The following MSH3 variants were observed in gnomAD, a reference collection of about 807,000 sequenced individuals.
The protein encoded by MSH3 is DNA mismatch repair protein Msh3.
In MSH3, 106 loss-of-function variants were observed where a neutral mutation model predicts 123.3. The ratio of observed to expected loss-of-function variants is 0.86; its 90% CI spans 0.73 to 1.01. MSH3 has a LOEUF of 1.01. MSH3 is among the 50% of genes least tolerant of loss of function. The pLI, the probability that MSH3 is intolerant of heterozygous loss-of-function variation, is 0.00. For missense variants in MSH3, 1,459 were observed against 1,347.6 expected, an observed-to-expected ratio of 1.08 and a Z score of -1.29; for synonymous variants, 515 against 481.4, an observed-to-expected ratio of 1.07 and a Z score of -0.91.
At chr5:80,861,192 T>A (rs1746008452) in intron 21 of MSH3, among the ~76,000 whole-genome samples, 2 of 152,206 alleles carry the variant, frequency 1.3e-5, no homozygotes. Context: ...TCTTCATATT[T>A]GTGGGTTTTT....
intron 20 of MSH3, among the ~76,000 whole-genome samples, chr5:80,826,922 A>T (rs919715977): frequency 1.3e-5 from 2 of 152,244 alleles, no homozygotes; most frequent in South Asian, 2.1e-4. Context: ...TTTTTTAAAA[A>T]GTAGAGTTTT....
At chr5:80,782,021 T>C (rs1225775277) in intron 17 of MSH3, among the ~76,000 whole-genome samples, 1 of 152,234 alleles carries the variant, frequency 6.6e-6, no homozygotes, top group Non-Finnish European at 1.5e-5. Flanking sequence ...ATTTACATAA[T>C]GCACAGCATA....
intron 15 of MSH3, among the ~76,000 whole-genome samples, chr5:80,771,961 G>C (rs1561472910): frequency 6.6e-6 from 1 of 152,114 alleles, no homozygotes; most frequent in Non-Finnish European, 1.5e-5. Flanking sequence ...TATGTATTAT[G>C]TAATGAACGT....
At chr5:80,791,577 A>T (rs1049391272) in intron 18 of MSH3, among the ~76,000 whole-genome samples, 1 of 152,116 alleles carries the variant, frequency 6.6e-6, no homozygotes, top group Non-Finnish European at 1.5e-5. Context: ...CTGTGTTTAA[A>T]TTCTTATTAA....
At position 80,654,909 on chromosome 5, in the gene MSH3, C is replaced by T; in HGVS notation, c.182C>T (p.Ala61Val). The T allele has an allele frequency of 6.7e-7, 1 of 1,502,592 alleles. No individual in the cohort carries two copies. Among genetic ancestry groups the T allele is most frequent in the South Asian group, 1.2e-5 (1 of 82,840 alleles). 93.1% of individuals were successfully genotyped at this position (1,502,592 alleles called of 1,614,324 possible). The change falls in exon 1 of 24, where the codon GCA becomes GTA. Residue 61 changes from alanine (A) to valine (V), a missense_variant. Transcript: ENST00000265081. ...GCGGCTGCAGCGGCCGCAGCGGCCGCAGCGCCCCCAGCGCCCCCAGCTCCC... is the reference window on the plus strand; with the variant it reads ...GCGGCTGCAGCGGCCGCAGCGGCCGTAGCGCCCCCAGCGCCCCCAGCTCCC... The part of the protein sequence containing the change: ...AAAAAAAAAA[A>V]APPAPPAPAF...
intron 20 of MSH3, among the ~76,000 whole-genome samples, chr5:80,845,999 G>T (rs1745713577): frequency 6.6e-6 from 1 of 152,150 alleles, no homozygotes; most frequent in African/African-American, 2.4e-5. Context: ...GTTTTCGGAA[G>T]TTTCTGCTTT....
intron 20 of MSH3, among the ~76,000 whole-genome samples, chr5:80,828,965 A>G (rs1380444513): frequency 4.6e-5 from 7 of 152,208 alleles, no homozygotes; most frequent in African/African-American, 1.7e-4. Flanking sequence ...GCAGTTCTAC[A>G]GTTCTGAGAT....
chr5:80,678,741 A>T (rs1455506546), intron 7 of MSH3, among the ~76,000 whole-genome samples, 186 bp from the exon 8 acceptor site: 1 of 152,112 alleles, frequency 6.6e-6, no homozygotes, highest in African/African-American at 2.4e-5. Flanking sequence ...TATCATTTAG[A>T]TATCTGTGAG....
intron 2 of MSH3, among the ~76,000 whole-genome samples, chr5:80,658,898 G>A (rs568707796): frequency 2.2e-4 from 34 of 152,260 alleles, no homozygotes; most frequent in African/African-American, 7.2e-4. Flanking sequence ...TACCTGGCAA[G>A]TTTTTTGTTT....
chr5:80,717,836 T>G (rs1750995530), intron 8 of MSH3, among the ~76,000 whole-genome samples: 1 of 152,246 alleles, frequency 6.6e-6, no homozygotes, highest in African/African-American at 2.4e-5. Flanking sequence ...TTTGTGTTTT[T>G]GGTATTGGGT....
At chr5:80,794,093 A>G (rs1744654210) in intron 19 of MSH3, among the ~76,000 whole-genome samples, 1 of 152,212 alleles carries the variant, frequency 6.6e-6, no homozygotes, top group Non-Finnish European at 1.5e-5. Flanking sequence ...CTTATACCAC[A>G]TTTCAAAGAG....
chr5:80,663,995 A>G (rs1348194783), intron 2 of MSH3, among the ~76,000 whole-genome samples: 1 of 152,212 alleles, frequency 6.6e-6, no homozygotes, highest in Non-Finnish European at 1.5e-5. Flanking sequence ...TAATAGCACC[A>G]ACCTAATAGT....
chr5:80,847,139 A>T (rs1745738889), intron 20 of MSH3, among the ~76,000 whole-genome samples: 1 of 152,070 alleles, frequency 6.6e-6, no homozygotes. Flanking sequence ...AGCTCACTGT[A>T]ACCTCTGCCT....
intron 10 of MSH3, among the ~76,000 whole-genome samples, chr5:80,737,516 A>T (rs997762659): frequency 6.6e-6 from 1 of 152,208 alleles, no homozygotes; most frequent in African/African-American, 2.4e-5. Flanking sequence ...CAAAGCATGA[A>T]TTCTAGCCAG....
intron 21 of MSH3, among the ~76,000 whole-genome samples, chr5:80,856,424 G>T (rs969328827): frequency 6.6e-6 from 1 of 151,278 alleles, no homozygotes; most frequent in African/African-American, 2.4e-5. Context: ...AGCTGGAAAC[G>T]ATCATTCTCA....
intron 13 of MSH3, among the ~76,000 whole-genome samples, chr5:80,766,065 T>A (rs1291401263): frequency 6.6e-6 from 1 of 152,110 alleles, no homozygotes; most frequent in Non-Finnish European, 1.5e-5. Context: ...CAAATGTTTT[T>A]TCTTTTTAAA....
intron 10 of MSH3, among the ~76,000 whole-genome samples, chr5:80,733,187 T>C (rs1479837818): frequency 6.6e-6 from 1 of 152,154 alleles, no homozygotes; most frequent in East Asian, 1.9e-4. Context: ...AAACTTATGG[T>C]CATTTGATTA....
intron 20 of MSH3, among the ~76,000 whole-genome samples, chr5:80,819,674 A>AGG (rs1745170172): frequency 6.6e-6 from 1 of 151,708 alleles, no homozygotes; most frequent in South Asian, 2.1e-4. Flanking sequence ...TTTAGTAGAG[A>AGG]GGGGGTTTCG....
At chr5:80,834,871 C>T (rs1005686977) in intron 20 of MSH3, among the ~76,000 whole-genome samples, 1 of 152,012 alleles carries the variant, frequency 6.6e-6, no homozygotes, top group Non-Finnish European at 1.5e-5. Flanking sequence ...AGGGGTGACT[C>T]AAAAAACTCC....
Sources: allele counts gnomAD v4.1 joint callset (sites outside exome capture counted in the v4.1 genomes callset), GRCh38; gene constraint gnomAD v4.1.1; transcripts MANE v1.5; gene names NCBI Gene and HGNC (gene_info 2026-07-23, HGNC 2026-07-21).